The following RPTOR variants were observed in gnomAD, a reference collection of about 807,000 sequenced individuals.
The protein encoded by RPTOR is regulatory-associated protein of mTOR.
A neutral mutation model predicts 169.9 loss-of-function variants in RPTOR; 21 were observed. The observed-to-expected ratio is 0.12, with a 90% CI of 0.09 to 0.18. RPTOR has a LOEUF of 0.18. Ranked by LOEUF, RPTOR falls within the 10% of genes least tolerant of loss-of-function variation. The pLI is 1.00. For synonymous variants in RPTOR, 732 were observed against 753.2 expected, an observed-to-expected ratio of 0.97 and a Z score of 0.46; for missense variants, 1,133 against 1,855.9, an observed-to-expected ratio of 0.61 and a Z score of 7.16.
At chr17:80,853,450 A>G (rs2067816917) in intron 11 of RPTOR, among the ~76,000 whole-genome samples, 1 of 152,064 alleles carries the variant, frequency 6.6e-6, no homozygotes, top group East Asian at 1.9e-4. Context: ...AGGCATGGTG[A>G]TGGGGCGGTC....
chr17:80,827,971 T>C (rs1010746183), intron 9 of RPTOR, among the ~76,000 whole-genome samples: 2 of 152,214 alleles, frequency 1.3e-5, no homozygotes, highest in African/African-American at 4.8e-5. Flanking sequence ...TCTAGCCGTC[T>C]AGTGCCAGCC....
intron 20 of RPTOR, among the ~76,000 whole-genome samples, chr17:80,903,381 G>A (rs781130394): frequency 6.6e-6 from 1 of 152,186 alleles, no homozygotes; most frequent in African/African-American, 2.4e-5. Flanking sequence ...CCGGAGACCC[G>A]AGCCCAGAAA....
chr17:80,960,342 AT>A lies in RPTOR; in HGVS notation c.3605+140del. The A allele has an allele frequency of 8.2e-7, 1 of 1,221,638 alleles. No individual in the cohort carries two copies. The highest frequency in any genetic ancestry group is 1.4e-5 in the South Asian group (1 of 69,574). 75.7% of individuals were successfully genotyped at this position (1,221,638 alleles called of 1,614,324 possible). A position where few individuals can be genotyped will look rare whatever the true frequency, so the allele number is the denominator to read the frequency against. ...CTTCCCCAGGAGCCTGCAGTGGCGT[AT>A]TTAGGCCAGTCCTGGGCTCCCCAAA... On this transcript the variant is annotated intron_variant, in intron 30 of 33. Transcript: ENST00000306801. The surrounding 1 kb of genome is among the most constrained non-coding windows in gnomAD (Gnocchi z 4.8).
chr17:80,800,388 T>G (rs1176198873), intron 7 of RPTOR, among the ~76,000 whole-genome samples: 1 of 152,198 alleles, frequency 6.6e-6, no homozygotes, highest in Non-Finnish European at 1.5e-5. Flanking sequence ...TATTAACCCC[T>G]TCCGAGCTTT....
At chr17:80,925,547 C>A in intron 24 of RPTOR, 67 bp downstream of exon 24, 1 of 1,277,016 alleles carries the variant, frequency 7.8e-7, no homozygotes, top group Non-Finnish European at 1.1e-6. Flanking sequence ...CTTCTTTGAG[C>A]ATAAACGCTC....
chr17:80,835,420 G>A (rs2067553012), intron 9 of RPTOR, among the ~76,000 whole-genome samples: 1 of 152,182 alleles, frequency 6.6e-6, no homozygotes, highest in Non-Finnish European at 1.5e-5. Context: ...AGAGCGCAGT[G>A]CTAGAAGCAG....
At chr17:80,753,497 G>A (rs993949015) in intron 5 of RPTOR, among the ~76,000 whole-genome samples, 6 of 151,760 alleles carry the variant, frequency 4.0e-5, no homozygotes, top group African/African-American at 1.2e-4. Flanking sequence ...GCCGGGCATG[G>A]TGGCGTGCGC....
intron 1 of RPTOR, among the ~76,000 whole-genome samples, chr17:80,574,607 G>A (rs184035003): frequency 6.6e-6 from 1 of 152,126 alleles, no homozygotes; most frequent in South Asian, 2.1e-4. Flanking sequence ...TGGGACTGTA[G>A]TAATGTTTCC....
At chr17:80,593,011 C>T (rs986294277) in intron 1 of RPTOR, among the ~76,000 whole-genome samples, 7 of 152,284 alleles carry the variant, frequency 4.6e-5, no homozygotes, top group African/African-American at 1.7e-4. Flanking sequence ...CTGGGCCCTT[C>T]TGCACGTGTT....
At position 80,947,124 on chromosome 17, in the gene RPTOR, G is replaced by A. The variant is rs1484807337; in HGVS notation, c.3141-103G>A. The A allele has an allele frequency of 5.1e-6, 6 of 1,186,374 alleles. No homozygotes were observed. The highest frequency in any genetic ancestry group is 3.2e-5 in the African/African-American group (2 of 62,960). The allele number at this position is 1,186,374 out of a possible 1,614,324, so 73.5% of individuals were successfully genotyped here. On this transcript the variant is annotated intron_variant, in intron 26 of 33. Transcript: ENST00000306801. This position sits in a 1 kb window ranked among gnomAD's most constrained non-coding sequence, Gnocchi z 4.4. ...GAGCCGCCGTGCCCGGCTGTGGTGT[G>A]TGGTTTTTTGATAGCAGCCCGGTGG... is the stretch of plus-strand genomic sequence containing the variant.
At chr17:80,616,298 C>CTTTTTTTTTTTT (rs201229448) in intron 1 of RPTOR, among the ~76,000 whole-genome samples, 22 of 113,296 alleles carry the variant, frequency 1.9e-4, no homozygotes, top group East Asian at 9.1e-4. Context: ...AATTGAAAAT[C>CTTTTTTTTTTTT]TTTTTTTTTT....
chr17:80,730,589 A>G lies in RPTOR; in HGVS notation c.537A>G (p.Ile179Met), dbSNP rs181909860. 4 of 1,614,142 alleles carry G rather than the reference A, an allele frequency of 2.5e-6. No individual in the cohort carries two copies. The highest frequency in any genetic ancestry group is 2.7e-5 in the African/African-American group (2 of 75,038). Residue 179 changes from isoleucine to methionine, a missense_variant, in exon 5 of 34, where the codon ATA (isoleucine) becomes ATG (methionine). Physicochemically the swap from Ile to Met is conservative, Grantham distance 10 (BLOSUM62 1). Coordinates refer to ENST00000306801, the MANE Select transcript of RPTOR (RefSeq NM_020761.3). The surrounding 1 kb of genome is among the most constrained non-coding windows in gnomAD (Gnocchi z 4.2). ...KNYTQYIPLS[I>M]YDLQTWMGSP... ...ACACGCAGTACATCCCTCTGTCCAT[A>G]TATGACCTGCAGACGTGGATGGGCA...
intron 3 of RPTOR, among the ~76,000 whole-genome samples, chr17:80,668,426 G>A (rs568365008): frequency 6.6e-6 from 1 of 152,298 alleles, no homozygotes; most frequent in East Asian, 1.9e-4. Context: ...CCTTTGATAG[G>A]TGGCCGCAGG....
intron 3 of RPTOR, among the ~76,000 whole-genome samples, chr17:80,685,185 C>G (rs2065928807): frequency 1.3e-5 from 2 of 151,944 alleles, no homozygotes; most frequent in African/African-American, 4.8e-5. Flanking sequence ...CGGAGTCACC[C>G]CTCATTCAGG....
At chr17:80,591,591 G>A (rs1038142911) in intron 1 of RPTOR, among the ~76,000 whole-genome samples, 1 of 151,760 alleles carries the variant, frequency 6.6e-6, no homozygotes, top group Non-Finnish European at 1.5e-5. Context: ...GTTGCCCAGG[G>A]TGGTCTCGAA....
rs532330399 is a variant in RPTOR at position 80,663,038 on chromosome 17, T to A, written c.348+19228T>A. Among the ~76,000 whole-genome samples the A allele has an allele frequency of 1.4e-4, 21 of 152,338 alleles. 1 individual carries two copies. Among genetic ancestry groups the A allele is most frequent in the African/African-American group, 4.6e-4 (19 of 41,570 alleles). ...AATCTTGCCCAGGTGGCCTCACTTA[T>A]TTTTTACCTTTTTCTACAGTGACCA... is the stretch of plus-strand genomic sequence containing the variant. On this transcript the variant is annotated intron_variant, in intron 3 of 33. Transcript: ENST00000306801.
At chr17:80,677,203 C>T (rs773490292) in intron 3 of RPTOR, among the ~76,000 whole-genome samples, 4 of 152,160 alleles carry the variant, frequency 2.6e-5, no homozygotes, top group East Asian at 1.9e-4. Flanking sequence ...GCCATGTTAA[C>T]GTTTGCCTTT....
At chr17:80,858,214 G>A (rs932751532) in intron 13 of RPTOR, 36 of 374,930 alleles carry the variant, frequency 9.6e-5, no homozygotes, top group Middle Eastern at 7.8e-4. Context: ...TCTGACCCCC[G>A]TAAGGCTGTC....
At chr17:80,831,786 CCT>C (rs990099446) in intron 9 of RPTOR, among the ~76,000 whole-genome samples, 80 of 150,120 alleles carry the variant, frequency 5.3e-4, no homozygotes, top group African/African-American at 1.8e-3. Flanking sequence ...ACTGTGTATC[CCT>C]GTGTGTCACC....
Sources: gnomAD v4.1 joint callset for allele counts (sites outside exome capture counted in the v4.1 genomes callset) on GRCh38, gnomAD v4.1.1 for gene constraint, Gnocchi (gnomAD v3.1) non-coding constraint, MANE v1.5 for transcripts, NCBI Gene and HGNC (gene_info 2026-07-23, HGNC 2026-07-21) for gene names.